Variants in CDH12 observed in about 807,000 individuals in gnomAD.
CDH12 encodes cadherin-12.
In CDH12, 41 loss-of-function variants were observed where a neutral mutation model predicts 74.1. That is an observed-to-expected ratio of 0.55 (90% CI 0.43 to 0.72). The LOEUF is 0.72. Ranked by LOEUF, CDH12 falls within the 30% of genes least tolerant of loss-of-function variation. The probability of loss-of-function intolerance (pLI) is 0.00; values close to 1 mark genes in which losing one functional copy is unlikely to be tolerated. For synonymous variants in CDH12, 399 were observed against 355.0 expected, an observed-to-expected ratio of 1.12 and a Z score of -1.39; for missense variants, 945 against 977.2, an observed-to-expected ratio of 0.97 and a Z score of 0.44.
At chr5:22,616,839 C>T (rs897138970) in intron 1 of CDH12, among the ~76,000 whole-genome samples, 2 of 151,812 alleles carry the variant, frequency 1.3e-5, no homozygotes, top group Non-Finnish European at 2.9e-5. Context: ...AAGGCAGAGC[C>T]TTTGTGAATG....
rs555689956 is a variant in CDH12, at chr5:22,029,269, A to C, written c.231+49177T>G. The stretch of plus-strand genomic sequence containing the variant: ...AAGACAAAATTGACAAATGGGATCT[A>C]ATTAAACTAAAGAGCGTCTGCACAG... On this transcript the variant is annotated intron_variant, in intron 5 of 14. Coordinates refer to ENST00000382254, the MANE Select transcript of CDH12 (RefSeq NM_004061.5). Among the ~76,000 whole-genome samples, 825 of 152,282 alleles carry C rather than the reference A, an allele frequency of 5.4e-3. 7 individuals are homozygous for C. The highest frequency in any genetic ancestry group is 0.01 in the Non-Finnish European group (700 of 68,026).
intron 6 of CDH12, among the ~76,000 whole-genome samples, chr5:21,876,084 C>T (rs754592007): frequency 6.6e-6 from 1 of 151,930 alleles, no homozygotes; most frequent in Non-Finnish European, 1.5e-5. Context: ...TTAGTAGAGA[C>T]AGGATTTCAC....
chr5:22,552,073 G>A lies in CDH12; in HGVS notation c.-522-46709C>T, dbSNP rs573472881. 7.4e-4 allele frequency among the ~76,000 whole-genome samples: 112 copies of A among 152,190 alleles called. 1 individual carries two copies. Among genetic ancestry groups the A allele is most frequent in the African/African-American group, 2.5e-3 (104 of 41,534 alleles). On this transcript the variant is annotated intron_variant, in intron 1 of 14. Coordinates refer to ENST00000382254, the MANE Select transcript of CDH12 (RefSeq NM_004061.5). ...GTATATAGGAGTGAACAGAGCATAG[G>A]TGATTTTCTGGAAGATACAGTGTCT...
chr5:22,457,462 C>A (rs1389963884), intron 2 of CDH12, among the ~76,000 whole-genome samples: 1 of 151,864 alleles, frequency 6.6e-6, no homozygotes, highest in East Asian at 1.9e-4. Flanking sequence ...CTCTGTGGCC[C>A]AGGCTGGAGT....
chr5:22,521,717 G>A (rs1395173862), intron 1 of CDH12, among the ~76,000 whole-genome samples: 1 of 152,140 alleles, frequency 6.6e-6, no homozygotes, highest in Non-Finnish European at 1.5e-5. Context: ...TGCAACTCTT[G>A]TGGTGTGAAA....
At chr5:22,836,217 C>CTTTTTTTTTTT (rs1561065915) in intron 1 of CDH12, among the ~76,000 whole-genome samples, 1 of 20,476 alleles carries the variant, frequency 4.9e-5, no homozygotes, top group Admixed American at 6.3e-4. Flanking sequence ...TTTTTTCTTT[C>CTTTTTTTTTTT]TTTCTCTTTT....
intron 5 of CDH12, among the ~76,000 whole-genome samples, chr5:22,025,849 C>T (rs1738313090): frequency 6.6e-6 from 1 of 152,146 alleles, no homozygotes; most frequent in African/African-American, 2.4e-5. Context: ...ACTTTTCTAG[C>T]TCATTCTTAA....
At chr5:22,725,728 G>A (rs567182203) in intron 1 of CDH12, among the ~76,000 whole-genome samples, 320 of 151,492 alleles carry the variant, frequency 2.1e-3, no homozygotes, top group Non-Finnish European at 3.9e-3. Context: ...ATTTTTTAGG[G>A]ACAAAAACAT....
intron 3 of CDH12, among the ~76,000 whole-genome samples, chr5:22,341,003 C>A (rs1739824357): frequency 6.6e-6 from 1 of 152,130 alleles, no homozygotes; most frequent in South Asian, 2.1e-4. Context: ...TCTAAATTTT[C>A]ATGCAGCATG....
intron 11 of CDH12, among the ~76,000 whole-genome samples, chr5:21,779,843 A>C (rs1047487314): frequency 2.6e-5 from 4 of 152,200 alleles, no homozygotes; most frequent in Admixed American, 1.3e-4. Context: ...ATATGAATAA[A>C]GTTTACTTTT....
Position 22,754,883 on chromosome 5 carries a change from T to C in CDH12, c.-523+98175A>G, listed in dbSNP as rs190782392. 1.8e-4 allele frequency among the ~76,000 whole-genome samples: 28 copies of C among 152,338 alleles called. No homozygotes were observed. In the East Asian group the frequency reaches 4.2e-3, roughly 23 times the overall value. On this transcript the variant is annotated intron_variant, in intron 1 of 14. Transcript: ENST00000382254. ...ATGAATATTCAATTTTACTGTCTTA[T>C]TGAGACTGTCTATTAGATGTGGGAA...
intron 1 of CDH12, among the ~76,000 whole-genome samples, chr5:22,686,578 A>G (rs1042065783): frequency 1.3e-5 from 2 of 152,134 alleles, no homozygotes; most frequent in East Asian, 3.9e-4. Context: ...GTGCAACTTC[A>G]TATTTTACAT....
intron 5 of CDH12, among the ~76,000 whole-genome samples, chr5:22,047,108 C>T (rs918411091): frequency 6.6e-6 from 1 of 152,286 alleles, no homozygotes; most frequent in East Asian, 1.9e-4. Flanking sequence ...TTTAAGCAAG[C>T]TGGTCTCCTG....
intron 4 of CDH12, among the ~76,000 whole-genome samples, chr5:22,188,442 C>A (rs1750089932): frequency 6.6e-6 from 1 of 152,024 alleles, no homozygotes; most frequent in African/African-American, 2.4e-5. Flanking sequence ...CAAAGGTATT[C>A]CTTTAGAGCA....
intron 1 of CDH12, among the ~76,000 whole-genome samples, chr5:22,660,413 G>A (rs988591912): frequency 6.6e-6 from 1 of 152,130 alleles, no homozygotes; most frequent in African/African-American, 2.4e-5. Context: ...ATACCTGACT[G>A]ACAATAATTA....
chr5:21,851,909 C>T (rs6452007), intron 7 of CDH12, among the ~76,000 whole-genome samples: 112,165 of 151,072 alleles, frequency 0.74, 42,908 homozygotes, highest in Middle Eastern at 0.85. Context: ...AATATTTAGG[C>T]ACCAGAGGTT....
At chr5:22,342,855 T>C (rs1739935432) in intron 3 of CDH12, among the ~76,000 whole-genome samples, 1 of 151,030 alleles carries the variant, frequency 6.6e-6, no homozygotes, top group Non-Finnish European at 1.5e-5. Flanking sequence ...TCTGTCTGTC[T>C]GTCTGTCTGT....
At chr5:22,191,248 C>T (rs1750259080) in intron 4 of CDH12, among the ~76,000 whole-genome samples, 1 of 152,088 alleles carries the variant, frequency 6.6e-6, no homozygotes, top group Non-Finnish European at 1.5e-5. Flanking sequence ...AGAGGTGTTT[C>T]TTGTCCCTCT....
intron 1 of CDH12, among the ~76,000 whole-genome samples, chr5:22,716,095 C>T (rs1332801693): frequency 6.6e-6 from 1 of 152,070 alleles, no homozygotes; most frequent in Admixed American, 6.5e-5. Flanking sequence ...GGAGATTGTG[C>T]CACTGCCCTC....
Sources: gnomAD v4.1 joint callset for allele counts (sites outside exome capture counted in the v4.1 genomes callset) on GRCh38, gnomAD v4.1.1 for gene constraint, MANE v1.5 for transcripts, NCBI Gene and HGNC (gene_info 2026-07-23, HGNC 2026-07-21) for gene names.